Variants in OAT observed in about 807,000 individuals in gnomAD.
OAT encodes the protein ornithine aminotransferase.
A neutral mutation model predicts 48.4 loss-of-function variants in OAT; 35 were observed. The ratio of observed to expected loss-of-function variants is 0.72; its 90% CI spans 0.55 to 0.96. The LOEUF (loss-of-function observed/expected upper bound fraction) is 0.96, where lower values mean the gene tolerates loss of function less well. OAT is among the 40% of genes least tolerant of loss of function. The pLI, the probability that OAT is intolerant of heterozygous loss-of-function variation, is 0.00. For synonymous variants in OAT, 182 were observed against 198.4 expected (o/e 0.92, Z 0.70); for missense variants, 438 against 537.9 (o/e 0.81, Z 1.84).
intron 2 of OAT, among the ~76,000 whole-genome samples, chr10:124,411,156 AAAAAAAAAG>A (rs1204729567): frequency 3.6e-4 from 53 of 145,586 alleles, no homozygotes; most frequent in Admixed American, 6.2e-4. Flanking sequence ...AAAAAAAAAA[AAAAAAAAAG>A]AAGAAGAGAT....
intron 9 of OAT, among the ~76,000 whole-genome samples, chr10:124,399,269 C>T (rs1490173178): frequency 3.3e-5 from 5 of 151,242 alleles, no homozygotes; most frequent in Middle Eastern, 3.2e-3. Flanking sequence ...GTCCCAGATC[C>T]GTCAAATCAG....
chr10:124,401,678 C>A (rs542467067), intron 8 of OAT, 48 bp downstream of exon 8: 16 of 1,279,666 alleles, frequency 1.3e-5, no homozygotes, highest in Admixed American at 3.4e-5. Flanking sequence ...AAAATCACTT[C>A]AACATTGCTT....
intron 5 of OAT, among the ~76,000 whole-genome samples, chr10:124,405,122 C>T (rs1589704639): frequency 6.6e-6 from 1 of 152,302 alleles, no homozygotes; most frequent in African/African-American, 2.4e-5. Context: ...CTTAAAAAGT[C>T]TTCCACTTCA....
In OAT at chr10:124,397,983, C is replaced by T. The variant is rs754381980; in HGVS notation, c.1279G>A (p.Glu427Lys). 3.6e-5 allele frequency: 58 copies of T among 1,613,796 alleles called. No individual in the cohort carries two copies. Among genetic ancestry groups the T allele is most frequent in the Non-Finnish European group, 4.7e-5 (56 of 1,179,884 alleles). Residue 427 changes from glutamate to lysine, a missense_variant, in exon 10 of 10, where the codon GAG (glutamate) becomes AAG (lysine). Physicochemically the swap from Glu to Lys is moderately conservative, Grantham distance 56. Transcript: ENST00000368845. ...PLVIKEDELR[E>K]SIEIINKTIL... is the part of the protein sequence containing the mutation. ...GTCTTGTTAATAATTTCAATGGACTCTCGAAGCTCATCCTCCTTGATCACC... is the reference window on the plus strand; with the variant it reads ...GTCTTGTTAATAATTTCAATGGACTTTCGAAGCTCATCCTCCTTGATCACC...
At chr10:124,410,085 C>T (rs532674472) in intron 2 of OAT, among the ~76,000 whole-genome samples, 26 of 152,306 alleles carry the variant, frequency 1.7e-4, no homozygotes, top group African/African-American at 6.3e-4. Context: ...GTGTGATACT[C>T]TTATATTGTC....
At chr10:124,400,404 C>T (rs1951370342) in intron 9 of OAT, among the ~76,000 whole-genome samples, 1 of 147,762 alleles carries the variant, frequency 6.8e-6, no homozygotes. Flanking sequence ...GCCAAAATGG[C>T]GCCATTGCAC....
Position 124,402,045 on chromosome 10 carries a change from CAT to C in OAT, c.901-208_901-207del, listed in dbSNP as rs546576062. Among the ~76,000 whole-genome samples the C allele has an allele frequency of 1.3e-3, 192 of 144,288 alleles. 1 individual carries two copies. Among genetic ancestry groups the C allele is most frequent in the South Asian group, 4.2e-3 (20 of 4,810 alleles). The allele number at this position is 144,288 out of a possible 152,430, so 94.7% of individuals were successfully genotyped here. A position where few individuals can be genotyped will look rare whatever the true frequency, so the allele number is the denominator to read the frequency against. ...TACAGGTGCCCACCACCACACCACA[CAT>C]GTTATTTATTTATTTATTTATTTTG... On this transcript the variant is annotated intron_variant, in intron 7 of 9. Transcript: ENST00000368845.
intron 2 of OAT, among the ~76,000 whole-genome samples, chr10:124,409,475 T>C (rs1372792158): frequency 1.3e-5 from 2 of 151,974 alleles, no homozygotes; most frequent in Non-Finnish European, 2.9e-5. Flanking sequence ...TGCTTGAGCC[T>C]GGGAGGTAGA....
At chr10:124,415,987 CA>C (rs1400980037) in intron 1 of OAT, among the ~76,000 whole-genome samples, 1 of 152,116 alleles carries the variant, frequency 6.6e-6, no homozygotes, top group Non-Finnish European at 1.5e-5. Context: ...AAAACACAGA[CA>C]AGAAAATTAC....
chr10:124,401,689 T>C (rs746989647), intron 8 of OAT, 37 bp downstream of exon 8: 5 of 1,375,560 alleles, frequency 3.6e-6, no homozygotes. Context: ...AACATTGCTT[T>C]AAAGAATAGA....
intron 4 of OAT, chr10:124,407,264 C>T (rs1951609391): frequency 2.0e-6 from 2 of 985,512 alleles, no homozygotes; most frequent in Non-Finnish European, 2.4e-6. Flanking sequence ...TCAGGAACCT[C>T]ATCCTCAGTC....
Position 124,418,869 on chromosome 10 carries a change from G to C in OAT, c.-30+4C>G, listed in dbSNP as rs1311697489. On this transcript the variant is annotated splice_donor_region_variant and intron_variant, in intron 1 of 9. Transcript: ENST00000368845. ...GCCCCAGGACAGCGGCGCCCAGACG[G>C]TACCTGACAGCGCCTGAGGACAACC... The C allele has an allele frequency of 6.6e-6, 1 of 152,260 alleles. No individual in the cohort carries two copies. Among genetic ancestry groups the C allele is most frequent in the Non-Finnish European group, 1.5e-5 (1 of 68,086 alleles). The allele number at this position is 152,260 out of a possible 1,614,324, so 9.4% of individuals were successfully genotyped here.
Position 124,406,231 on chromosome 10 carries a change from A to G in OAT, c.521-668T>C, listed in dbSNP as rs142969003. 495 of 628,994 alleles carry G rather than the reference A, an allele frequency of 7.9e-4. 3 individuals carry two copies. In the African/African-American group the frequency reaches 8.9e-3, roughly 11 times the overall value. The allele number at this position is 628,994 out of a possible 1,614,324, so 39.0% of individuals were successfully genotyped here. On this transcript the variant is annotated intron_variant, in intron 4 of 9. Transcript: ENST00000368845. Reference sequence around the variant, plus strand: ...ATAGACCAGGCACAGTGGCTCACTTATGTAATCCCTGCACTTTGGGAGGCC... The same window carrying G: ...ATAGACCAGGCACAGTGGCTCACTTGTGTAATCCCTGCACTTTGGGAGGCC...
chr10:124,401,297 T>G (rs1339221242), intron 8 of OAT, among the ~76,000 whole-genome samples: 1 of 152,240 alleles, frequency 6.6e-6, no homozygotes, highest in Non-Finnish European at 1.5e-5. Flanking sequence ...CTGCAATAGT[T>G]TCTTCCCCCC....
intron 5 of OAT, among the ~76,000 whole-genome samples, chr10:124,404,809 C>T (rs1275894380): frequency 2.0e-5 from 3 of 152,110 alleles, no homozygotes; most frequent in Non-Finnish European, 4.4e-5. Flanking sequence ...CTTGGGAGGC[C>T]AAGGTGGGCA....
chr10:124,412,183 A>G lies in OAT; in HGVS notation c.-12T>C, dbSNP rs775990544. ...AGTTTGGAAAACATTGTGTCCTTCAAGTAGAAAAACCACAGATCTGTCCAA... is the reference window on the plus strand; with the variant it reads ...AGTTTGGAAAACATTGTGTCCTTCAGGTAGAAAAACCACAGATCTGTCCAA... On this transcript the variant is annotated 5_prime_UTR_variant, in exon 2 of 10. Coordinates refer to ENST00000368845, the MANE Select transcript of OAT (RefSeq NM_000274.4). The G allele has an allele frequency of 6.2e-7, 1 of 1,611,932 alleles. No homozygotes were observed. Among genetic ancestry groups the G allele is most frequent in the South Asian group, 1.1e-5 (1 of 91,042 alleles).
intron 1 of OAT, among the ~76,000 whole-genome samples, chr10:124,417,891 T>TA (rs949723933): frequency 6.6e-6 from 1 of 152,148 alleles, no homozygotes; most frequent in Non-Finnish European, 1.5e-5. Flanking sequence ...ATCTAAGAGG[T>TA]AAAACTGAAC....
At chr10:124,417,357 T>G (rs1951951695) in intron 1 of OAT, among the ~76,000 whole-genome samples, 1 of 132,480 alleles carries the variant, frequency 7.5e-6, no homozygotes, top group African/African-American at 2.8e-5. Flanking sequence ...CGATCTCAAC[T>G]CACTGCAAGC....
intron 4 of OAT, chr10:124,407,045 C>T (rs757278955): frequency 2.0e-6 from 2 of 985,390 alleles, no homozygotes; most frequent in Non-Finnish European, 2.4e-6. Context: ...AGCAGCAACT[C>T]CATTAATCAG....
Sources: gnomAD v4.1 joint callset for allele counts (sites outside exome capture counted in the v4.1 genomes callset) on GRCh38, gnomAD v4.1.1 for gene constraint, MANE v1.5 for transcripts, NCBI Gene and HGNC (gene_info 2026-07-23, HGNC 2026-07-21) for gene names.